The following PKP4 variants were observed in gnomAD, a reference collection of about 807,000 sequenced individuals.
The protein encoded by PKP4 is plakophilin 4, also known as plakophilin-4.
Under a neutral mutation model 145.1 loss-of-function variants are expected in PKP4, and 90 were observed. That is an observed-to-expected ratio of 0.62 (90% confidence interval 0.52 to 0.74). The LOEUF (loss-of-function observed/expected upper bound fraction) is 0.74. Ranked by LOEUF, PKP4 falls within the 30% of genes least tolerant of loss-of-function variation. The pLI, the probability that PKP4 is intolerant of heterozygous loss-of-function variation, is 0.00. For synonymous variants in PKP4, 563 were observed against 577.2 expected (o/e 0.98, Z 0.35); for missense variants, 1,340 against 1,482.7 (o/e 0.90, Z 1.58).
intron 2 of PKP4, among the ~76,000 whole-genome samples, chr2:158,547,853 A>C (rs2045221720): frequency 6.6e-6 from 1 of 152,220 alleles, no homozygotes; most frequent in Non-Finnish European, 1.5e-5. Context: ...CAGACACCTG[A>C]GTGAAAGAAA....
intron 4 of PKP4, among the ~76,000 whole-genome samples, chr2:158,609,592 G>T (rs1264255514): frequency 6.6e-6 from 1 of 152,204 alleles, no homozygotes; most frequent in African/African-American, 2.4e-5. Context: ...TAGGTGGATT[G>T]TTAGAGATGC....
At chr2:158,543,485 G>A (rs895260929) in intron 2 of PKP4, among the ~76,000 whole-genome samples, 1 of 152,194 alleles carries the variant, frequency 6.6e-6, no homozygotes, top group Admixed American at 6.5e-5. Context: ...GATAGGTCCA[G>A]AGGCTAATGG....
intron 11 of PKP4, among the ~76,000 whole-genome samples, chr2:158,652,558 G>A (rs2105955371): frequency 6.6e-6 from 1 of 152,366 alleles, no homozygotes; most frequent in African/African-American, 2.4e-5. Flanking sequence ...AGACTGTATA[G>A]GGAATGATAA....
At position 158,680,448 on chromosome 2, in the gene PKP4, G is replaced by A; in HGVS notation, c.3350G>A (p.Ser1117Asn). 1 of 1,612,046 alleles carries A rather than the reference G, an allele frequency of 6.2e-7. No homozygotes were observed. Among genetic ancestry groups the A allele is most frequent in the Non-Finnish European group, 8.5e-7 (1 of 1,179,084 alleles). Residue 1117 changes from serine (S) to asparagine (N), a missense_variant, in exon 22 of 22, where the codon AGT becomes AAT. By Grantham distance (46) the Ser-to-Asn change is conservative. Transcript: ENST00000389759. ...CAACAGCATCAACAGCTGTATTATA[G>A]TCAAGATGACTCCAACAGAAAGAAC... ...RRLQHQQLYY[S>N]QDDSNRKNFD... is the part of the protein sequence containing the mutation.
At chr2:158,668,559 G>A (rs776407678) in intron 16 of PKP4, among the ~76,000 whole-genome samples, 1 of 152,236 alleles carries the variant, frequency 6.6e-6, no homozygotes, top group Non-Finnish European at 1.5e-5. Context: ...CCCCAGGAGT[G>A]CAATTTAAAG....
intron 21 of PKP4, chr2:158,679,141 A>C (rs2106033762): frequency 6.1e-6 from 1 of 162,982 alleles, no homozygotes; most frequent in Admixed American, 5.8e-5. Context: ...AGGTGGACTC[A>C]GCCCCTGCCG....
At chr2:158,593,624 GT>G (rs2049462191) in intron 3 of PKP4, among the ~76,000 whole-genome samples, 1 of 152,104 alleles carries the variant, frequency 6.6e-6, no homozygotes, top group Non-Finnish European at 1.5e-5. Flanking sequence ...CCCTATGAAG[GT>G]TACTTGAACT....
At chr2:158,632,842 A>G (rs1194543012) in intron 8 of PKP4, among the ~76,000 whole-genome samples, 2 of 152,206 alleles carry the variant, frequency 1.3e-5, no homozygotes, top group African/African-American at 4.8e-5. Context: ...TAATAAAGAA[A>G]TATTTCGCTT....
intron 2 of PKP4, among the ~76,000 whole-genome samples, chr2:158,574,180 A>G (rs574889316): frequency 2.8e-4 from 43 of 152,360 alleles, no homozygotes; most frequent in Non-Finnish European, 5.4e-4. Context: ...ATAGTATATT[A>G]GTAGCCTTGA....
At chr2:158,578,615 G>T (rs2048062165) in intron 3 of PKP4, among the ~76,000 whole-genome samples, 1 of 151,876 alleles carries the variant, frequency 6.6e-6, no homozygotes, top group Non-Finnish European at 1.5e-5. Flanking sequence ...CAATAATATG[G>T]TATTATATAT....
intron 19 of PKP4, among the ~76,000 whole-genome samples, chr2:158,676,189 T>C: frequency 6.6e-6 from 1 of 152,328 alleles, no homozygotes; most frequent in African/African-American, 2.4e-5. Flanking sequence ...AAAAGAATTA[T>C]AAATTTTATA....
chr2:158,662,678 A>T (rs1487700345), intron 13 of PKP4: 7 of 400,790 alleles, frequency 1.7e-5, no homozygotes, highest in Non-Finnish European at 2.7e-5. Context: ...ATGAAGTCAA[A>T]TCCTCAGCAG....
intron 2 of PKP4, among the ~76,000 whole-genome samples, chr2:158,546,159 G>A (rs60755967): frequency 0.15 from 22,085 of 152,098 alleles, 1,759 homozygotes; most frequent in Middle Eastern, 0.28. Flanking sequence ...AAGAATTTTA[G>A]TATACTTTAA....
chr2:158,549,415 CAG>C (rs904631971), intron 2 of PKP4, among the ~76,000 whole-genome samples: 2 of 151,954 alleles, frequency 1.3e-5, no homozygotes, highest in South Asian at 2.1e-4. Flanking sequence ...TAATATTTTT[CAG>C]AGTTTTTGGG....
chr2:158,586,445 G>T (rs991338802), intron 3 of PKP4, among the ~76,000 whole-genome samples: 1 of 152,130 alleles, frequency 6.6e-6, no homozygotes, highest in Non-Finnish European at 1.5e-5. Context: ...TAATTTTTTA[G>T]TGTATTTGGT....
In PKP4 at chr2:158,634,277, A is replaced by G. The variant is rs773713615; in HGVS notation, c.1550A>G (p.Gln517Arg). The change falls in exon 9 of 22, where the codon CAG (glutamine) becomes CGG (arginine). Residue 517 changes from glutamine (Q) to arginine (R), a missense_variant. Coordinates refer to ENST00000389759, the MANE Select transcript of PKP4 (RefSeq NM_003628.6). ...AGATCCCCATCAATAGACAGCATTC[A>G]GAAGGACCCCAGGCGAGTACCAGTT... is the stretch of plus-strand genomic sequence containing the variant. ...TTRSPSIDSI[Q>R]KDPREFAWRD... 6.2e-7 allele frequency: 1 copy of G among 1,613,920 alleles called. No homozygotes were observed. Among genetic ancestry groups the G allele is most frequent in the Non-Finnish European group, 8.5e-7 (1 of 1,179,882 alleles).
intron 11 of PKP4, among the ~76,000 whole-genome samples, chr2:158,646,333 C>A (rs1193506289): frequency 2.6e-5 from 4 of 152,220 alleles, no homozygotes; most frequent in African/African-American, 9.6e-5. Flanking sequence ...GTAAACACTT[C>A]ATGCAATTGC....
At chr2:158,572,074 A>G (rs1255980611) in intron 2 of PKP4, among the ~76,000 whole-genome samples, 2 of 152,178 alleles carry the variant, frequency 1.3e-5, no homozygotes, top group Non-Finnish European at 2.9e-5. Flanking sequence ...AGGAAGAGAA[A>G]ACAAAAGAAG....
At chr2:158,531,916 A>G (rs1291131540) in intron 1 of PKP4, among the ~76,000 whole-genome samples, 1 of 152,248 alleles carries the variant, frequency 6.6e-6, no homozygotes, top group Non-Finnish European at 1.5e-5. Context: ...CCCACTATCC[A>G]TTTATGCCTA....
Sources: gnomAD v4.1 joint callset for allele counts (sites outside exome capture counted in the v4.1 genomes callset) on GRCh38, gnomAD v4.1.1 for gene constraint, MANE v1.5 for transcripts, NCBI Gene and HGNC (gene_info 2026-07-23, HGNC 2026-07-21) for gene names.